The following KCNG2 variants were observed in gnomAD, a reference collection of about 807,000 sequenced individuals.
The protein encoded by KCNG2 is voltage-gated potassium channel regulatory subunit KCNG2.
In KCNG2, 7 loss-of-function variants were observed where a neutral mutation model predicts 12.3. That is an observed-to-expected ratio of 0.57 (90% CI 0.32 to 1.07). The LOEUF is 1.07. Among genes scored for constraint, KCNG2 ranks in the 50% least tolerant of loss-of-function variants. The pLI, the probability that KCNG2 is intolerant of heterozygous loss-of-function variation, is 0.04. For missense variants in KCNG2, 703 were observed against 726.0 expected, an observed-to-expected ratio of 0.97 and a Z score of 0.36; for synonymous variants, 414 against 351.4, an observed-to-expected ratio of 1.18 and a Z score of -1.99.
intron 3 of KCNG2, among the ~76,000 whole-genome samples, chr18:79,888,800 G>A (rs1599434280): frequency 1.3e-5 from 2 of 151,896 alleles, no homozygotes; most frequent in East Asian, 1.9e-4. Flanking sequence ...TCGGCCTCCC[G>A]AGTAGCTGGG....
At chr18:79,815,866 G>T (rs1483017286) in intron 1 of KCNG2, among the ~76,000 whole-genome samples, 2 of 152,264 alleles carry the variant, frequency 1.3e-5, no homozygotes, top group African/African-American at 4.8e-5. Flanking sequence ...CTGGAGCTGA[G>T]CTGCACTGCC....
chr18:79,847,824 C>T (rs1333340975), intron 1 of KCNG2, among the ~76,000 whole-genome samples: 1 of 152,226 alleles, frequency 6.6e-6, no homozygotes, highest in African/African-American at 2.4e-5. Flanking sequence ...GTCCCCTGGG[C>T]CGGGCTCATG....
intron 3 of KCNG2, among the ~76,000 whole-genome samples, chr18:79,865,354 TGA>T (rs1224178029): frequency 8.6e-6 from 1 of 116,624 alleles, no homozygotes. Flanking sequence ...GTCTGGGTGC[TGA>T]GAGGTCTGTG....
At chr18:79,860,595 T>C (rs929043854) in intron 2 of KCNG2, among the ~76,000 whole-genome samples, 5 of 152,240 alleles carry the variant, frequency 3.3e-5, no homozygotes, top group African/African-American at 9.6e-5. Flanking sequence ...TGCTTTTGTA[T>C]AGAAATACAA....
chr18:79,802,609 C>T (rs957727342), intron 1 of KCNG2, among the ~76,000 whole-genome samples: 16 of 152,254 alleles, frequency 1.1e-4, no homozygotes, highest in African/African-American at 3.9e-4. Context: ...CCCAAGGACA[C>T]CCTTCCTGGC....
At chr18:79,858,271 G>C (rs903398410) in intron 2 of KCNG2, among the ~76,000 whole-genome samples, 6 of 152,304 alleles carry the variant, frequency 3.9e-5, no homozygotes, top group Non-Finnish European at 8.8e-5. Flanking sequence ...CAAAATGCTG[G>C]GATTACAGGC....
intron 2 of KCNG2, among the ~76,000 whole-genome samples, chr18:79,862,663 C>T (rs1024618086): frequency 1.1e-4 from 16 of 152,252 alleles, no homozygotes; most frequent in Non-Finnish European, 2.4e-4. Context: ...ATCTCATTCC[C>T]CAGCCTTTCG....
intron 3 of KCNG2, among the ~76,000 whole-genome samples, chr18:79,888,515 G>A (rs1388959668): frequency 2.7e-5 from 4 of 149,924 alleles, no homozygotes; most frequent in African/African-American, 7.3e-5. Flanking sequence ...CGGTGGGGCC[G>A]GGACGGCGGC....
At chr18:79,828,465 GTC>G (rs1284353438) in intron 1 of KCNG2, among the ~76,000 whole-genome samples, 3 of 151,714 alleles carry the variant, frequency 2.0e-5, no homozygotes, top group Non-Finnish European at 2.9e-5. Context: ...GCAAATGTGT[GTC>G]TGTGTGTGCA....
intron 1 of KCNG2, among the ~76,000 whole-genome samples, chr18:79,830,880 T>G (rs1435408463): frequency 4.4e-4 from 44 of 100,308 alleles, no homozygotes; most frequent in Admixed American, 5.9e-4. Context: ...GTTCCCTGCA[T>G]ACAGAGCCTT....
intron 3 of KCNG2, among the ~76,000 whole-genome samples, chr18:79,898,107 C>T (rs947647831): frequency 4.6e-5 from 7 of 152,210 alleles, no homozygotes; most frequent in African/African-American, 7.2e-5. Context: ...TCCTAATTCC[C>T]TTCACCACCA....
intron 3 of KCNG2, among the ~76,000 whole-genome samples, chr18:79,882,740 A>G (rs1475761268): frequency 4.0e-5 from 6 of 151,324 alleles, no homozygotes; most frequent in Non-Finnish European, 8.9e-5. Context: ...GCTGCCATGG[A>G]GTGGCGAGGC....
At chr18:79,826,865 A>C (rs1978286524) in intron 1 of KCNG2, among the ~76,000 whole-genome samples, 1 of 152,280 alleles carries the variant, frequency 6.6e-6, no homozygotes, top group Non-Finnish European at 1.5e-5. Flanking sequence ...CGTTCAGTGA[A>C]AGAAGGTGTG....
intron 3 of KCNG2, among the ~76,000 whole-genome samples, chr18:79,874,964 G>C (rs1980010232): frequency 6.6e-6 from 1 of 152,166 alleles, no homozygotes. Context: ...GACAGGCCCT[G>C]AGGAGACTGA....
intron 1 of KCNG2, among the ~76,000 whole-genome samples, chr18:79,855,076 C>G (rs1420166004): frequency 6.6e-6 from 1 of 151,474 alleles, no homozygotes; most frequent in Admixed American, 6.6e-5. Flanking sequence ...TTTGCTTTCC[C>G]TAGTGTTTTT....
Position 79,899,930 on chromosome 18 carries a change from C to A in KCNG2, c.*114C>A. 9.7e-7 allele frequency: 1 copy of A among 1,027,582 alleles called. No homozygotes were observed. Among genetic ancestry groups the A allele is most frequent in the Non-Finnish European group, 1.3e-6 (1 of 796,190 alleles). 63.7% of individuals were successfully genotyped at this position (1,027,582 alleles called of 1,614,324 possible). Reference sequence around the variant, plus strand: ...GCCTGGGGGAGCGGCTCCTGCCGGCCGCGTCCTCGGCCCTCGTGCGTGAGC... The same window carrying A: ...GCCTGGGGGAGCGGCTCCTGCCGGCAGCGTCCTCGGCCCTCGTGCGTGAGC... On this transcript the variant is annotated 3_prime_UTR_variant, in exon 4 of 4. Coordinates refer to ENST00000316249, the MANE Select transcript of KCNG2 (RefSeq NM_012283.2).
chr18:79,821,775 G>A (rs1003819431), intron 1 of KCNG2, among the ~76,000 whole-genome samples: 1 of 151,978 alleles, frequency 6.6e-6, no homozygotes, highest in Non-Finnish European at 1.5e-5. Flanking sequence ...GTCCTGCTCC[G>A]CCCTCAACTG....
At chr18:79,880,860 C>T (rs1458677402) in intron 3 of KCNG2, among the ~76,000 whole-genome samples, 1 of 152,220 alleles carries the variant, frequency 6.6e-6, no homozygotes, top group Non-Finnish European at 1.5e-5. Context: ...CTGTTCATCT[C>T]AACAGATGTA....
intron 3 of KCNG2, among the ~76,000 whole-genome samples, chr18:79,874,771 G>C (rs1489719400): frequency 6.6e-6 from 1 of 152,220 alleles, no homozygotes; most frequent in Non-Finnish European, 1.5e-5. Flanking sequence ...AGGTGCGGTG[G>C]TGGGAGAGCT....
Sources: allele counts gnomAD v4.1 joint callset (sites outside exome capture counted in the v4.1 genomes callset), GRCh38; gene constraint gnomAD v4.1.1; transcripts MANE v1.5; gene names NCBI Gene and HGNC (gene_info 2026-07-23, HGNC 2026-07-21).